The following ANO10 variants were observed in gnomAD, a reference collection of about 807,000 sequenced individuals.
ANO10 encodes anoctamin 10, also known as anoctamin-10.
In ANO10, 77 loss-of-function variants were observed where a neutral mutation model predicts 74.7. That is an observed-to-expected ratio of 1.03 (90% CI 0.86 to 1.25). ANO10 has a LOEUF of 1.25. ANO10 is among the 50% of genes most tolerant of loss of function. The probability of loss-of-function intolerance (pLI) is 0.00; values close to 1 mark genes in which losing one functional copy is unlikely to be tolerated. For missense variants in ANO10, 721 were observed against 778.1 expected (o/e 0.93, Z 0.87); for synonymous variants, 279 against 284.9 (o/e 0.98, Z 0.21).
chr3:43,686,401 C>T (rs1457294864), intron 1 of ANO10, among the ~76,000 whole-genome samples: 1 of 152,152 alleles, frequency 6.6e-6, no homozygotes, highest in Non-Finnish European at 1.5e-5. Flanking sequence ...ATCCTCCCAC[C>T]TCAGCCTCCC....
intron 9 of ANO10, among the ~76,000 whole-genome samples, chr3:43,557,579 C>T (rs1223769054): frequency 6.6e-6 from 1 of 151,274 alleles, no homozygotes; most frequent in East Asian, 2.0e-4. Context: ...ACTAAAAATA[C>T]AAAAAATTAG....
intron 1 of ANO10, among the ~76,000 whole-genome samples, chr3:43,679,152 C>T (rs919271158): frequency 2.0e-5 from 3 of 152,170 alleles, no homozygotes; most frequent in African/African-American, 2.4e-5. Flanking sequence ...CATCGCCTCA[C>T]CTGGGAAGCG....
At chr3:43,674,115 CAT>C (rs1443125256) in intron 1 of ANO10, among the ~76,000 whole-genome samples, 9 of 152,102 alleles carry the variant, frequency 5.9e-5, no homozygotes, top group Non-Finnish European at 1.3e-4. Flanking sequence ...TATTCACCCA[CAT>C]GTCTACCTTC....
intron 1 of ANO10, among the ~76,000 whole-genome samples, chr3:43,643,692 T>TC (rs2083695863): frequency 6.7e-6 from 1 of 148,332 alleles, no homozygotes; most frequent in Non-Finnish European, 1.5e-5. Flanking sequence ...TCTTTTTTTT[T>TC]TTTTTTTTTT....
At chr3:43,620,868 T>C (rs900502621) in intron 1 of ANO10, among the ~76,000 whole-genome samples, 1 of 152,244 alleles carries the variant, frequency 6.6e-6, no homozygotes, top group Non-Finnish European at 1.5e-5. Flanking sequence ...ATCTTTCAAA[T>C]TTCATTCATC....
At chr3:43,576,648 T>C (rs1482573954) in intron 6 of ANO10, 44 bp downstream of exon 6, 1 of 1,595,012 alleles carries the variant, frequency 6.3e-7, no homozygotes, top group Non-Finnish European at 8.6e-7. Context: ...AGGCAACATT[T>C]CTTACAGGCA....
chr3:43,571,948 T>C (rs977303660), intron 7 of ANO10, among the ~76,000 whole-genome samples: 20 of 148,686 alleles, frequency 1.3e-4, no homozygotes, highest in African/African-American at 4.7e-4. Flanking sequence ...TGTCTCCTTA[T>C]TAAATAAACA....
chr3:43,369,963 A>G (rs1412465559), intron 12 of ANO10, among the ~76,000 whole-genome samples: 1 of 152,206 alleles, frequency 6.6e-6, no homozygotes, highest in Non-Finnish European at 1.5e-5. Context: ...GATACTCATT[A>G]CCGGCTGGCT....
intron 11 of ANO10, among the ~76,000 whole-genome samples, chr3:43,449,558 A>G (rs1242342044): frequency 3.2e-5 from 4 of 123,696 alleles, no homozygotes; most frequent in African/African-American, 9.3e-5. Context: ...CAGTTGTTAC[A>G]GCACCCTTTG....
At chr3:43,398,341 T>G (rs1196620506) in intron 12 of ANO10, among the ~76,000 whole-genome samples, 1 of 152,220 alleles carries the variant, frequency 6.6e-6, no homozygotes, top group Admixed American at 6.5e-5. Flanking sequence ...TTTAGATTAA[T>G]GTAAAGATTA....
intron 11 of ANO10, among the ~76,000 whole-genome samples, chr3:43,480,198 G>A (rs959411630): frequency 6.6e-6 from 1 of 152,102 alleles, no homozygotes; most frequent in African/African-American, 2.4e-5. Context: ...AACAAACAAG[G>A]AGACACAAAA....
chr3:43,427,243 C>T (rs1166152983), intron 12 of ANO10, among the ~76,000 whole-genome samples: 2 of 152,104 alleles, frequency 1.3e-5, no homozygotes, highest in African/African-American at 4.8e-5. Context: ...TGGCACTCAC[C>T]TGGCCATGCT....
intron 12 of ANO10, among the ~76,000 whole-genome samples, chr3:43,414,085 G>A (rs939562440): frequency 6.6e-6 from 1 of 152,046 alleles, no homozygotes; most frequent in Non-Finnish European, 1.5e-5. Context: ...ATAAAGAAAG[G>A]ATGCATGAGC....
chr3:43,638,566 A>G (rs1268786049), intron 1 of ANO10: 1 of 152,148 alleles, frequency 6.6e-6, no homozygotes, highest in African/African-American at 2.4e-5. Flanking sequence ...AGTATTTTTT[A>G]AAGGGTAAAA....
chr3:43,536,831 G>T (rs1288300777), intron 11 of ANO10, among the ~76,000 whole-genome samples: 1 of 151,746 alleles, frequency 6.6e-6, no homozygotes, highest in African/African-American at 2.4e-5. Context: ...AGCCACAAAA[G>T]ATTTTCTAAA....
chr3:43,371,959 G>A (rs1193233196), intron 12 of ANO10, among the ~76,000 whole-genome samples: 1 of 152,186 alleles, frequency 6.6e-6, no homozygotes, highest in Non-Finnish European at 1.5e-5. Context: ...GTGCCATAAG[G>A]CTCTAAACAG....
intron 11 of ANO10, among the ~76,000 whole-genome samples, chr3:43,525,802 T>A (rs952463445): frequency 6.6e-6 from 1 of 152,188 alleles, no homozygotes; most frequent in Admixed American, 6.5e-5. Context: ...TGAGTTTTCC[T>A]CCTTCTGTTT....
intron 7 of ANO10, among the ~76,000 whole-genome samples, chr3:43,567,801 T>A: frequency 6.6e-6 from 1 of 151,060 alleles, no homozygotes; most frequent in Non-Finnish European, 1.5e-5. Flanking sequence ...CCAGCTAACA[T>A]CATAATGACA....
intron 12 of ANO10, among the ~76,000 whole-genome samples, chr3:43,382,359 A>C (rs2091985919): frequency 6.6e-6 from 1 of 152,062 alleles, no homozygotes; most frequent in African/African-American, 2.4e-5. Flanking sequence ...CTCTACTAAA[A>C]ATACAAAAAA....
Sources: allele counts gnomAD v4.1 joint callset (sites outside exome capture counted in the v4.1 genomes callset), GRCh38; gene constraint gnomAD v4.1.1; transcripts MANE v1.5; gene names NCBI Gene and HGNC (gene_info 2026-07-23, HGNC 2026-07-21).